Variants in SPRY2 observed in about 807,000 individuals in gnomAD.
The protein encoded by SPRY2 is sprouty RTK signaling antagonist 2.
Under a neutral mutation model 23.4 loss-of-function variants are expected in SPRY2, and 10 were observed. That is an observed-to-expected ratio of 0.43 (90% CI 0.26 to 0.73). The LOEUF (loss-of-function observed/expected upper bound fraction) is 0.73. SPRY2 is among the 30% of genes least tolerant of loss of function. The pLI, the probability that SPRY2 is intolerant of heterozygous loss-of-function variation, is 0.22. For synonymous variants in SPRY2, 170 were observed against 156.9 expected (o/e 1.08, Z -0.62); for missense variants, 344 against 396.9 (o/e 0.87, Z 1.13).
Position 80,337,497 on chromosome 13 carries a change from G to C in SPRY2, c.209C>G (p.Ala70Gly). The C allele has an allele frequency of 6.2e-7, 1 of 1,614,214 alleles. No homozygotes were observed. The highest frequency in any genetic ancestry group is 8.5e-7 in the Non-Finnish European group (1 of 1,180,042). The change falls in exon 2 of 2, where the codon GCT becomes GGT. Residue 70 changes from alanine to glycine, a missense_variant. Physicochemically the swap from Ala to Gly is moderately conservative, Grantham distance 60. Transcript: ENST00000377104. ...TTTGTGCTGAGTGGAGGGGCGAGGA[G>C]CAGGCTTGAGCCCAGGTCTTGGGAC... ...TVVPRPGLKP[A>G]PRPSTQHKHE...
intron 1 of SPRY2, among the ~76,000 whole-genome samples, chr13:80,340,310 G>A (rs1176091984): frequency 6.6e-6 from 1 of 152,254 alleles, no homozygotes; most frequent in Non-Finnish European, 1.5e-5. Context: ...CGCGGCCAGT[G>A]CACGGCTGGG....
At chr13:80,338,741 G>C (rs771418033) in intron 1 of SPRY2, 4 of 152,142 alleles carry the variant, frequency 2.6e-5, no homozygotes, top group Non-Finnish European at 4.4e-5. Flanking sequence ...ACCTTTATCC[G>C]ATCTCCGCTC....
intron 1 of SPRY2, among the ~76,000 whole-genome samples, chr13:80,338,026 A>G (rs1024095845): frequency 2.0e-5 from 3 of 152,250 alleles, no homozygotes; most frequent in African/African-American, 7.2e-5. Context: ...ATTCAAAGAA[A>G]CATACAATTT....
Sources: gnomAD v4.1 joint callset for allele counts (sites outside exome capture counted in the v4.1 genomes callset) on GRCh38, gnomAD v4.1.1 for gene constraint, MANE v1.5 for transcripts, NCBI Gene and HGNC (gene_info 2026-07-23, HGNC 2026-07-21) for gene names.